Variants in CEP72 observed in about 807,000 individuals in gnomAD.
CEP72 encodes the protein centrosomal protein of 72 kDa.
In CEP72, 78 loss-of-function variants were observed where a neutral mutation model predicts 65.7. That is an observed-to-expected ratio of 1.19 (90% confidence interval 0.99 to 1.43). The LOEUF is 1.43. CEP72 is among the 40% of genes most tolerant of loss of function. The probability of loss-of-function intolerance (pLI) is 0.00; values close to 1 mark genes in which losing one functional copy is unlikely to be tolerated. For synonymous variants in CEP72, 358 were observed against 351.7 expected, an observed-to-expected ratio of 1.02 and a Z score of -0.20; for missense variants, 914 against 832.9, an observed-to-expected ratio of 1.10 and a Z score of -1.20.
At chr5:659,055 C>T (rs1739476872), downstream of CEP72, among the ~76,000 whole-genome samples, 1 of 152,234 alleles carries the variant, frequency 6.6e-6, no homozygotes, top group South Asian at 2.1e-4. Context: ...TTTTTTCCCT[C>T]TTCACTTTTG....
chr5:625,559 G>A (rs144182690), intron 4 of CEP72, among the ~76,000 whole-genome samples: 2 of 152,212 alleles, frequency 1.3e-5, no homozygotes, highest in East Asian at 1.9e-4. Context: ...GATTTGAGCC[G>A]TTTTTTGCTG....
chr5:636,095 G>A (rs1218631839), intron 6 of CEP72, among the ~76,000 whole-genome samples: 1 of 152,242 alleles, frequency 6.6e-6, no homozygotes, highest in African/African-American at 2.4e-5. Flanking sequence ...AGGAACTTTG[G>A]GGGGTTCCTT....
At chr5:640,820 C>T (rs1050777049) in intron 9 of CEP72, 10 of 985,470 alleles carry the variant, frequency 1.0e-5, no homozygotes, top group Non-Finnish European at 1.2e-5. Flanking sequence ...AGCAGTGGCG[C>T]TGGCCACCTT....
At chr5:658,077 C>G (rs76464722), downstream of CEP72, among the ~76,000 whole-genome samples, 6,106 of 152,296 alleles carry the variant, frequency 0.04, 406 homozygotes, top group African/African-American at 0.14. Context: ...TGAATGGCTT[C>G]AACATTTGAA....
chr5:671,907 C>T (rs574985089), downstream of CEP72, among the ~76,000 whole-genome samples: 5 of 152,266 alleles, frequency 3.3e-5, no homozygotes, highest in South Asian at 2.1e-4. Context: ...CTGGGTACCA[C>T]GGGGGAGGGG....
At chr5:635,631 C>A in intron 6 of CEP72, 47 bp downstream of exon 6, 1 of 1,389,294 alleles carries the variant, frequency 7.2e-7, no homozygotes, top group Non-Finnish European at 1.0e-6. Flanking sequence ...TAACAGAAAA[C>A]CACAGACTGA....
chr5:628,917 C>CG (rs1737009510), intron 4 of CEP72, among the ~76,000 whole-genome samples: 7 of 120,312 alleles, frequency 5.8e-5, no homozygotes, highest in African/African-American at 2.4e-4. Context: ...CAGGACCCAG[C>CG]CCCCTTCTTT....
At chr5:669,403 C>G (rs774574776), downstream of CEP72, among the ~76,000 whole-genome samples, 1 of 152,156 alleles carries the variant, frequency 6.6e-6, no homozygotes, top group Non-Finnish European at 1.5e-5. Context: ...GCTAGAAGAG[C>G]CAGGCCACCC....
At chr5:650,439 C>CTG (rs765464197) in intron 11 of CEP72, among the ~76,000 whole-genome samples, 2 of 6,000 alleles carry the variant, frequency 3.3e-4, no homozygotes, top group Middle Eastern at 0.25. Context: ...GAGGCGTGGA[C>CTG]TGAGGTGTGA....
In CEP72 at chr5:623,720, T is replaced by C. The variant is rs1011077375; in HGVS notation, c.404-751T>C. Among the ~76,000 whole-genome samples the C allele has an allele frequency of 1.3e-5, 2 of 152,034 alleles. No individual in the cohort carries two copies. Among genetic ancestry groups the C allele is most frequent in the African/African-American group, 4.8e-5 (2 of 41,394 alleles). ...TGTCTCCTGAGGGTGCCCTGTGTGC[T>C]GGGTGGAGAGTGCCCCAGGTTGCAG... On this transcript the variant is annotated intron_variant, in intron 3 of 11. Coordinates refer to ENST00000264935, the MANE Select transcript of CEP72 (RefSeq NM_018140.4). The surrounding 1 kb of genome is among the most constrained non-coding windows in gnomAD (Gnocchi z 5.3).
intron 5 of CEP72, among the ~76,000 whole-genome samples, chr5:634,520 G>A (rs1220858755): frequency 6.6e-6 from 1 of 152,234 alleles, no homozygotes; most frequent in Admixed American, 6.5e-5. Context: ...GTGCAAAGAT[G>A]TCTGCCCTGT....
intron 2 of CEP72, chr5:663,667 G>T (rs1005341818): frequency 1.3e-5 from 2 of 152,486 alleles, no homozygotes; most frequent in African/African-American, 4.8e-5. Flanking sequence ...GTGAGGGAGG[G>T]GCCTCGCCAC....
chr5:642,133 CCT>C (rs1256073647), intron 9 of CEP72: 6 of 936,800 alleles, frequency 6.4e-6, no homozygotes, highest in South Asian at 9.7e-5. Flanking sequence ...CGTCCAGAAG[CCT>C]CTGCATTTGA....
At chr5:643,616 C>G (rs1738209371) in intron 9 of CEP72, 2 of 985,360 alleles carry the variant, frequency 2.0e-6, no homozygotes, top group African/African-American at 3.5e-5. Flanking sequence ...GGGGCCTGCT[C>G]AGCACCCCCG....
intron 3 of CEP72, among the ~76,000 whole-genome samples, chr5:620,895 G>A (rs963699572): frequency 6.6e-6 from 1 of 152,224 alleles, no homozygotes; most frequent in Non-Finnish European, 1.5e-5. Context: ...CTCCCCGGAG[G>A]CATTGTTGCT....
chr5:613,335 TGGAA>T (rs1308272504), intron 1 of CEP72, among the ~76,000 whole-genome samples: 1 of 149,724 alleles, frequency 6.7e-6, no homozygotes, highest in Non-Finnish European at 1.5e-5. Flanking sequence ...AGCAGGGAGG[TGGAA>T]GGAGGCCTCA....
intron 11 of CEP72, among the ~76,000 whole-genome samples, chr5:652,598 A>C (rs1171883842): frequency 6.6e-6 from 1 of 152,232 alleles, no homozygotes; most frequent in Admixed American, 6.5e-5. Flanking sequence ...GGGAATTAGA[A>C]CTATTTCAGT....
chr5:658,203 C>T (rs1739432593), downstream of CEP72, among the ~76,000 whole-genome samples: 3 of 152,258 alleles, frequency 2.0e-5, no homozygotes, highest in Admixed American at 1.3e-4. Flanking sequence ...ACCATGCTGT[C>T]AGGCTGTGCC....
intron 1 of CEP72, among the ~76,000 whole-genome samples, chr5:617,992 G>T (rs2455339): frequency 6.6e-6 from 1 of 151,452 alleles, no homozygotes; most frequent in Non-Finnish European, 1.5e-5. Context: ...TGTTGATGTA[G>T]TGACTGCTTA....
Sources: allele counts gnomAD v4.1 joint callset (sites outside exome capture counted in the v4.1 genomes callset), GRCh38; gene constraint gnomAD v4.1.1; non-coding constraint Gnocchi (gnomAD v3.1); transcripts MANE v1.5; gene names NCBI Gene and HGNC (gene_info 2026-07-23, HGNC 2026-07-21).